The following AKAP13 variants were observed in gnomAD, a reference collection of about 807,000 sequenced individuals.
The protein encoded by AKAP13 is A-kinase anchor protein 13.
In AKAP13, 80 loss-of-function variants were observed where a neutral mutation model predicts 264.5. The ratio of observed to expected loss-of-function variants is 0.30; its 90% CI spans 0.25 to 0.36. AKAP13 has a LOEUF of 0.36. Among genes scored for constraint, AKAP13 ranks in the 10% least tolerant of loss-of-function variants. AKAP13 has a pLI of 1.00. For missense variants in AKAP13, 3,712 were observed against 3,435.2 expected (o/e 1.08, Z -2.01); for synonymous variants, 1,380 against 1,250.2 (o/e 1.10, Z -2.19).
intron 2 of AKAP13, among the ~76,000 whole-genome samples, chr15:85,497,407 T>C (rs748137751): frequency 1.3e-5 from 2 of 152,070 alleles, no homozygotes; most frequent in African/African-American, 2.4e-5. Flanking sequence ...GCAGATGTAA[T>C]TGGGAAGCTT....
At chr15:85,697,932 C>G (rs576390391) in intron 17 of AKAP13, among the ~76,000 whole-genome samples, 3 of 152,136 alleles carry the variant, frequency 2.0e-5, no homozygotes, top group African/African-American at 7.2e-5. Flanking sequence ...TGACTGAATT[C>G]TGCAAGCTAC....
At position 85,735,547 on chromosome 15, in the gene AKAP13, A is replaced by ATTTTT. The variant is rs1597220994; in HGVS notation, c.7442-11_7442-7dup. The ATTTTT allele has an allele frequency of 6.2e-6, 10 of 1,601,638 alleles. No homozygotes were observed. Among genetic ancestry groups the ATTTTT allele is most frequent in the African/African-American group, 2.7e-5 (2 of 74,234 alleles). ...CAACTTTAAAAAAAAAAACAACCCTATTTTTTGTTTAGGAGGCGAGAAGGA... is the reference window on the plus strand; with the variant it reads ...CAACTTTAAAAAAAAAAACAACCCTATTTTTTTTTTTGTTTAGGAGGCGAGAAGGA... On this transcript the variant is annotated splice_polypyrimidine_tract_variant and intron_variant, in intron 31 of 36. Coordinates refer to ENST00000394518, the MANE Select transcript of AKAP13 (RefSeq NM_007200.5).
intron 8 of AKAP13, among the ~76,000 whole-genome samples, chr15:85,630,234 A>AACAGACACACAC (rs2081681818): frequency 8.4e-6 from 1 of 119,064 alleles, no homozygotes. Context: ...GGAAAATTGT[A>AACAGACACACAC]ACACACACAC....
At chr15:85,428,794 C>T (rs2072907063) in intron 1 of AKAP13, among the ~76,000 whole-genome samples, 1 of 152,164 alleles carries the variant, frequency 6.6e-6, no homozygotes, top group Admixed American at 6.5e-5. Context: ...TGAGAAAGCA[C>T]ACAGTTAAAA....
intron 1 of AKAP13, among the ~76,000 whole-genome samples, chr15:85,478,789 C>T (rs1446020889): frequency 1.3e-5 from 2 of 151,790 alleles, no homozygotes; most frequent in African/African-American, 2.4e-5. Flanking sequence ...GATAGTGGGG[C>T]AGAGCAGGGC....
At chr15:85,510,389 T>C (rs979775380) in intron 2 of AKAP13, among the ~76,000 whole-genome samples, 4 of 152,210 alleles carry the variant, frequency 2.6e-5, no homozygotes, top group African/African-American at 4.8e-5. Flanking sequence ...ATTTGTTATA[T>C]TACTAATAAA....
chr15:85,513,235 A>G (rs1312487710), intron 2 of AKAP13, among the ~76,000 whole-genome samples: 1 of 152,160 alleles, frequency 6.6e-6, no homozygotes, highest in Non-Finnish European at 1.5e-5. Flanking sequence ...TCTCAGAGTG[A>G]GGCTGAAGGA....
rs764539885 is a variant in AKAP13 at position 85,655,533 on chromosome 15, A to T, written c.4491A>T (p.Leu1497Phe). 1 of 1,614,212 alleles carries T rather than the reference A, an allele frequency of 6.2e-7. No homozygotes were observed. Among genetic ancestry groups the T allele is most frequent in the Non-Finnish European group, 8.5e-7 (1 of 1,180,040 alleles). Reference protein sequence around the residue: ...HGSDVSLSQILKPNRSRDRQS... With the variant: ...HGSDVSLSQIFKPNRSRDRQS... Reference sequence around the variant, plus strand: ...GTGATGTGTCTCTCTCCCAGATTTTAAAGCCAAACAGGTCAAGAGATCGGC... The same window carrying T: ...GTGATGTGTCTCTCTCCCAGATTTTTAAGCCAAACAGGTCAAGAGATCGGC... The change falls in exon 11 of 37, where the codon TTA becomes TTT. Residue 1497 changes from leucine (L) to phenylalanine (F), a missense_variant. By Grantham distance (22) the Leu-to-Phe change is conservative. This residue lies in a region of AKAP13 where 2,759 missense variants were observed against 2,411.7 expected (regional missense o/e 1.14). Transcript: ENST00000394518.
At chr15:85,620,686 A>C (rs559972104) in intron 8 of AKAP13, among the ~76,000 whole-genome samples, 1 of 152,220 alleles carries the variant, frequency 6.6e-6, no homozygotes, top group African/African-American at 2.4e-5. Context: ...AGGATTTCCA[A>C]TAAACCTATC....
At chr15:85,485,482 A>C (rs993372719) in intron 1 of AKAP13, among the ~76,000 whole-genome samples, 3 of 152,232 alleles carry the variant, frequency 2.0e-5, no homozygotes, top group African/African-American at 7.2e-5. Context: ...TTTATTTTTC[A>C]ATCGGAAGAT....
At chr15:85,412,392 A>C (rs1261996111) in intron 1 of AKAP13, among the ~76,000 whole-genome samples, 1 of 152,236 alleles carries the variant, frequency 6.6e-6, no homozygotes, top group African/African-American at 2.4e-5. Flanking sequence ...TGAATGCAGA[A>C]GCAGATAGGA....
intron 33 of AKAP13, among the ~76,000 whole-genome samples, chr15:85,739,811 T>C (rs1453818641): frequency 6.6e-6 from 1 of 152,250 alleles, no homozygotes; most frequent in African/African-American, 2.4e-5. Context: ...TCAATTTTTT[T>C]CAGAAATTTA....
At chr15:85,522,657 T>C (rs1035159909) in intron 3 of AKAP13, among the ~76,000 whole-genome samples, 9 of 152,112 alleles carry the variant, frequency 5.9e-5, no homozygotes, top group Admixed American at 5.2e-4. Flanking sequence ...TGACTTTGAT[T>C]CTAGTACCAC....
At chr15:85,501,060 C>T (rs555493814) in intron 2 of AKAP13, among the ~76,000 whole-genome samples, 4 of 152,250 alleles carry the variant, frequency 2.6e-5, no homozygotes, top group East Asian at 1.9e-4. Context: ...TGTCATCTTC[C>T]GGAATTTGTT....
chr15:85,557,490 GTTGT>G (rs2078193118), intron 5 of AKAP13, among the ~76,000 whole-genome samples: 1 of 151,440 alleles, frequency 6.6e-6, no homozygotes, highest in Non-Finnish European at 1.5e-5. Context: ...TTTGTGTTTT[GTTGT>G]TTGTTTTGAG....
intron 8 of AKAP13, among the ~76,000 whole-genome samples, chr15:85,591,821 G>A (rs1397944786): frequency 6.6e-6 from 1 of 152,064 alleles, no homozygotes; most frequent in East Asian, 1.9e-4. Flanking sequence ...TTCCTTTTCT[G>A]AATGCTCTTT....
chr15:85,734,654 A>G (rs1442828282), intron 30 of AKAP13, among the ~76,000 whole-genome samples: 1 of 152,208 alleles, frequency 6.6e-6, no homozygotes, highest in Non-Finnish European at 1.5e-5. Flanking sequence ...GCTGTTCTCA[A>G]ATCAATCCAT....
At chr15:85,398,952 C>T (rs566847466) in intron 1 of AKAP13, among the ~76,000 whole-genome samples, 2 of 152,284 alleles carry the variant, frequency 1.3e-5, no homozygotes, top group South Asian at 2.1e-4. Flanking sequence ...CATCACCCTT[C>T]CTCCTGCCTC....
At chr15:85,701,602 G>A (rs2085917821) in intron 17 of AKAP13, among the ~76,000 whole-genome samples, 1 of 151,860 alleles carries the variant, frequency 6.6e-6, no homozygotes, top group Admixed American at 6.6e-5. Context: ...ACCACACCTG[G>A]CTAATTTTTT....
Sources: gnomAD v4.1 joint callset for allele counts (sites outside exome capture counted in the v4.1 genomes callset) on GRCh38, gnomAD v4.1.1 for gene constraint, gnomAD v4.1.1 regional missense constraint, MANE v1.5 for transcripts, NCBI Gene and HGNC (gene_info 2026-07-23, HGNC 2026-07-21) for gene names.